Variants in PCNX2 observed in about 807,000 individuals in gnomAD.
The protein encoded by PCNX2 is pecanex-like protein 2.
Under a neutral mutation model 223.8 loss-of-function variants are expected in PCNX2, and 168 were observed. The observed-to-expected ratio is 0.75, with a 90% CI of 0.66 to 0.85. The LOEUF (loss-of-function observed/expected upper bound fraction) is 0.85. Ranked by LOEUF, PCNX2 falls within the 40% of genes least tolerant of loss-of-function variation. The pLI, the probability that PCNX2 is intolerant of heterozygous loss-of-function variation, is 0.00. For synonymous variants in PCNX2, 1,006 were observed against 1,052.6 expected (o/e 0.96, Z 0.86); for missense variants, 2,507 against 2,675.5 (o/e 0.94, Z 1.39).
intron 15 of PCNX2, among the ~76,000 whole-genome samples, chr1:233,190,279 CAAGAAGTAGAA>C (rs1680344456): frequency 6.6e-6 from 1 of 152,076 alleles, no homozygotes; most frequent in African/African-American, 2.4e-5. Context: ...CATCGTTAAA[CAAGAAGTAGAA>C]TCACGGCTCT....
chr1:233,090,115 A>T lies in PCNX2; in HGVS notation c.4022T>A (p.Val1341Asp). 1 of 1,613,996 alleles carries T rather than the reference A, an allele frequency of 6.2e-7. No homozygotes were observed. The highest frequency in any genetic ancestry group is 8.5e-7 in the Non-Finnish European group (1 of 1,179,874). The change falls in exon 23 of 34, where the codon GTC (valine) becomes GAC (aspartate). Residue 1341 changes from valine to aspartate, a missense_variant. Around this residue, in one of 3 missense-constraint regions of PCNX2, gnomAD observed 1,372 missense variants for 1,509.4 expected, o/e 0.91. Transcript: ENST00000258229. ...CCTGACATATGATGTGATGAAAATGACACTCCCAAGAAATGGGCTCAATGG... is the reference window on the plus strand; with the variant it reads ...CCTGACATATGATGTGATGAAAATGTCACTCCCAAGAAATGGGCTCAATGG... ...STPLSPFLGSVIFITSYVRPV... is the reference protein window; with the variant it reads ...STPLSPFLGSDIFITSYVRPV...
chr1:233,255,545 TCAAA>T (rs1362033537), intron 5 of PCNX2, among the ~76,000 whole-genome samples: 1 of 152,164 alleles, frequency 6.6e-6, no homozygotes, highest in Non-Finnish European at 1.5e-5. Context: ...TAAAATTGTG[TCAAA>T]CAAAAAAGCA....
intron 8 of PCNX2, among the ~76,000 whole-genome samples, chr1:233,247,916 A>G (rs1181299529): frequency 1.3e-5 from 2 of 149,278 alleles, no homozygotes; most frequent in Non-Finnish European, 3.0e-5. Context: ...TGCAGGTGTG[A>G]GCCACCATGC....
chr1:233,179,401 T>C, intron 15 of PCNX2, among the ~76,000 whole-genome samples: 1 of 152,178 alleles, frequency 6.6e-6, no homozygotes, highest in Non-Finnish European at 1.5e-5. Context: ...TTATACATAC[T>C]TATAAGAATA....
chr1:233,279,569 G>A (rs1442289357), intron 1 of PCNX2, among the ~76,000 whole-genome samples: 2 of 152,044 alleles, frequency 1.3e-5, no homozygotes, highest in Non-Finnish European at 2.9e-5. Context: ...ACAGGTGTGA[G>A]CCACCACCCT....
At chr1:233,005,858 T>C (rs1400474016) in intron 28 of PCNX2, among the ~76,000 whole-genome samples, 1 of 152,222 alleles carries the variant, frequency 6.6e-6, no homozygotes, top group Non-Finnish European at 1.5e-5. Context: ...GGGCTTTTAT[T>C]ACTGGGAAAT....
chr1:233,115,090 G>A (rs1439669667), intron 21 of PCNX2, among the ~76,000 whole-genome samples: 1 of 152,038 alleles, frequency 6.6e-6, no homozygotes, highest in African/African-American at 2.4e-5. Context: ...TCACTGGAAA[G>A]AGGAAGGGAG....
At chr1:233,267,519 C>T (rs1222080117) in intron 1 of PCNX2, among the ~76,000 whole-genome samples, 1 of 151,916 alleles carries the variant, frequency 6.6e-6, no homozygotes, top group Non-Finnish European at 1.5e-5. Context: ...ACTAACTCCC[C>T]ATTCTCCCCA....
At chr1:233,108,035 C>T (rs1323951859) in intron 21 of PCNX2, among the ~76,000 whole-genome samples, 8 of 152,136 alleles carry the variant, frequency 5.3e-5, no homozygotes, top group East Asian at 1.9e-4. Flanking sequence ...GCCATGGCAA[C>T]GTCAGGAAGT....
chr1:233,260,327 G>A (rs1659980877), intron 4 of PCNX2, among the ~76,000 whole-genome samples: 1 of 152,130 alleles, frequency 6.6e-6, no homozygotes. Flanking sequence ...AATTGGAATG[G>A]TGAAATTAAA....
intron 19 of PCNX2, among the ~76,000 whole-genome samples, chr1:233,148,897 A>G (rs1677629674): frequency 1.3e-5 from 2 of 152,260 alleles, no homozygotes. Context: ...CTAAAACAAA[A>G]GTGTAAGTCC....
At chr1:233,034,031 G>C (rs1177708358) in intron 25 of PCNX2, among the ~76,000 whole-genome samples, 1 of 152,098 alleles carries the variant, frequency 6.6e-6, no homozygotes, top group Admixed American at 6.6e-5. Context: ...GGCCAACATG[G>C]TGAAACTCCA....
chr1:233,282,336 T>G (rs1055813378), intron 1 of PCNX2, among the ~76,000 whole-genome samples: 1 of 152,176 alleles, frequency 6.6e-6, no homozygotes, highest in Admixed American at 6.5e-5. Flanking sequence ...ATCATCTCTA[T>G]GTTGATTATT....
chr1:233,021,825 G>A (rs1670899780), intron 26 of PCNX2, among the ~76,000 whole-genome samples: 1 of 152,166 alleles, frequency 6.6e-6, no homozygotes, highest in African/African-American at 2.4e-5. Context: ...ACATGATCCT[G>A]GATTTGTCAA....
chr1:233,142,059 T>C (rs192687661), intron 19 of PCNX2, among the ~76,000 whole-genome samples: 26 of 152,194 alleles, frequency 1.7e-4, no homozygotes, highest in Non-Finnish European at 2.9e-4. Context: ...AGAGCAAGGA[T>C]GTTGGGCAGG....
intron 10 of PCNX2, among the ~76,000 whole-genome samples, chr1:233,223,683 A>G (rs996661588): frequency 1.3e-5 from 2 of 151,362 alleles, no homozygotes; most frequent in African/African-American, 2.4e-5. Context: ...TCATTGTTCA[A>G]CTCCCACTTA....
intron 24 of PCNX2, among the ~76,000 whole-genome samples, chr1:233,056,032 T>G (rs996199525): frequency 6.6e-6 from 1 of 152,178 alleles, no homozygotes; most frequent in African/African-American, 2.4e-5. Context: ...ACTAGAGCAT[T>G]TATAACTTAA....
chr1:233,236,627 G>A (rs1356070801), intron 9 of PCNX2, among the ~76,000 whole-genome samples: 1 of 152,174 alleles, frequency 6.6e-6, no homozygotes, highest in African/African-American at 2.4e-5. Context: ...CAGAGACAGT[G>A]GCAATCCTGT....
chr1:233,288,666 G>A (rs1334227107), intron 1 of PCNX2, among the ~76,000 whole-genome samples: 1 of 152,136 alleles, frequency 6.6e-6, no homozygotes, highest in Non-Finnish European at 1.5e-5. Flanking sequence ...ACACAGGCAA[G>A]CCCTCTGCAC....
Sources: allele counts gnomAD v4.1 joint callset (sites outside exome capture counted in the v4.1 genomes callset), GRCh38; gene constraint gnomAD v4.1.1; regional missense constraint gnomAD v4.1.1; transcripts MANE v1.5; gene names NCBI Gene and HGNC (gene_info 2026-07-23, HGNC 2026-07-21).